Variants in PTGIR observed in about 807,000 individuals in gnomAD.
PTGIR encodes the protein prostaglandin I2 receptor.
PTGIR carries 16 observed loss-of-function variants against 17.6 expected under a neutral mutation model. The observed-to-expected ratio is 0.91, with a 90% CI of 0.61 to 1.38. PTGIR has a LOEUF of 1.38. Ranked by LOEUF, PTGIR falls within the 40% of genes most tolerant of loss-of-function variation. The pLI is 0.00. For synonymous variants in PTGIR, 274 were observed against 255.4 expected (o/e 1.07, Z -0.69); for missense variants, 532 against 548.6 (o/e 0.97, Z 0.30).
chr19:46,623,326 A>T, intron 2 of PTGIR, 132 bp downstream of exon 2: 1 of 1,115,966 alleles, frequency 9.0e-7, no homozygotes, highest in Non-Finnish European at 1.2e-6. Flanking sequence ...TGCTGGGATT[A>T]CAGGCGTGAG....
chr19:46,622,057 C>T (rs1027258657), intron 2 of PTGIR: 1 of 985,360 alleles, frequency 1.0e-6, no homozygotes, highest in African/African-American at 1.7e-5. Flanking sequence ...ATCTGAGTCT[C>T]TGAGTCAGAG....
chr19:46,619,867 G>T (rs1207338769), downstream of PTGIR, among the ~76,000 whole-genome samples: 1 of 152,090 alleles, frequency 6.6e-6, no homozygotes, highest in Non-Finnish European at 1.5e-5. Flanking sequence ...AGTGGGGCTG[G>T]GTGGGGGGAG....
Position 46,625,036 on chromosome 19 carries a change from G to C in PTGIR, c.-52C>G, listed in dbSNP as rs2052787720. ...CCAGGCTCTCCTGTCCCGTGCGTCT[G>C]TGCCTTCACTTGCTTTGCTCCTCGT... On this transcript the variant is annotated 5_prime_UTR_variant, in exon 1 of 3. Coordinates refer to ENST00000291294, the MANE Select transcript of PTGIR (RefSeq NM_000960.4). This position sits in a 1 kb window ranked among gnomAD's most constrained non-coding sequence, Gnocchi z 4.9. The C allele has an allele frequency of 1.3e-5, 2 of 153,940 alleles. No individual in the cohort carries two copies. The highest frequency in any genetic ancestry group is 1.3e-4 in the Admixed American group (2 of 15,270). 9.5% of individuals were successfully genotyped at this position (153,940 alleles called of 1,614,324 possible). A position where few individuals can be genotyped will look rare whatever the true frequency, so the allele number is the denominator to read the frequency against.
chr19:46,623,163 T>C (rs2122342538), intron 2 of PTGIR: 1 of 231,494 alleles, frequency 4.3e-6, no homozygotes, highest in East Asian at 9.2e-5. Context: ...TATTTATTTA[T>C]TTGTTGTATT....
In PTGIR at chr19:46,623,798, A is replaced by G. The variant is rs550279822; in HGVS notation, c.428T>C (p.Ile143Thr). The stretch of plus-strand genomic sequence containing the variant: ...GCAGAAGAGGACGCAGAAGGCGTAG[A>G]TGGCTGGCAGCGCCAGGCGGGCGCA... ...PRCARLALPA[I>T]YAFCVLFCAL... Residue 143 changes from isoleucine (I) to threonine (T), a missense_variant, in exon 2 of 3, where the codon ATC (isoleucine) becomes ACC (threonine). Ile to Thr is a moderately conservative substitution (Grantham distance 89). Coordinates refer to ENST00000291294, the MANE Select transcript of PTGIR (RefSeq NM_000960.4). 6.2e-7 allele frequency: 1 copy of G among 1,608,810 alleles called. No individual in the cohort carries two copies. Among genetic ancestry groups the G allele is most frequent in the South Asian group, 1.1e-5 (1 of 90,750 alleles).
chr19:46,611,063 A>G, the PTGIR span, among the ~76,000 whole-genome samples: 1 of 152,218 alleles, frequency 6.6e-6, no homozygotes, highest in African/African-American at 2.4e-5. Flanking sequence ...AGGCAGGCCC[A>G]TCATGCCATG....
Position 46,621,185 on chromosome 19 carries a change from A to G in PTGIR, c.*95T>C. 1 of 1,426,906 alleles carries G rather than the reference A, an allele frequency of 7.0e-7. No individual in the cohort carries two copies. The highest frequency in any genetic ancestry group is 1.9e-5 in the South Asian group (1 of 52,484). The allele number at this position is 1,426,906 out of a possible 1,614,324, so 88.4% of individuals were successfully genotyped here. On this transcript the variant is annotated 3_prime_UTR_variant, in exon 3 of 3. Transcript: ENST00000291294. The surrounding 1 kb of genome is among the most constrained non-coding windows in gnomAD (Gnocchi z 4.8). Reference sequence around the variant, plus strand: ...TGATCGGCCCCAGAGTTTGGGGGCCAAGGTTCCAGCATCCGCAGCCATCAG... The same window carrying G: ...TGATCGGCCCCAGAGTTTGGGGGCCGAGGTTCCAGCATCCGCAGCCATCAG...
chr19:46,622,580 TGG>T (rs1260085336), intron 2 of PTGIR: 1 of 168,622 alleles, frequency 5.9e-6, no homozygotes, highest in Admixed American at 6.6e-5. Context: ...CATTTCATCA[TGG>T]GGGGCTCAGG....
chr19:46,617,908 G>A (rs117440437), downstream of PTGIR, among the ~76,000 whole-genome samples: 6,300 of 149,740 alleles, frequency 0.042, 320 homozygotes, highest in East Asian at 0.26. Context: ...TAAACATCTC[G>A]GCTCACTGCA....
At position 46,620,776 on chromosome 19, in the gene PTGIR, G is replaced by A. The variant is rs200747689; in HGVS notation, c.*504C>T. 9.6e-5 allele frequency: 95 copies of A among 985,990 alleles called. No homozygotes were observed. Among genetic ancestry groups the A allele is most frequent in the Non-Finnish European group, 1.1e-4 (88 of 830,120 alleles). The allele number at this position is 985,990 out of a possible 1,614,324, so 61.1% of individuals were successfully genotyped here. Reference sequence around the variant, plus strand: ...CTCCCAAGCCTGGTGGGGGACCAGCGGCAAGGGAAGGCAGGGAGCTTTTCC... The same window carrying A: ...CTCCCAAGCCTGGTGGGGGACCAGCAGCAAGGGAAGGCAGGGAGCTTTTCC... On this transcript the variant is annotated 3_prime_UTR_variant, in exon 3 of 3. Transcript: ENST00000291294.
chr19:46,611,164 G>T, the PTGIR span, among the ~76,000 whole-genome samples: 1 of 150,594 alleles, frequency 6.6e-6, no homozygotes, highest in Non-Finnish European at 1.5e-5. Flanking sequence ...CCGGGTAGGG[G>T]AAGGACGGAA....
At chr19:46,617,777 C>G (rs1329728413), downstream of PTGIR, among the ~76,000 whole-genome samples, 1 of 151,410 alleles carries the variant, frequency 6.6e-6, no homozygotes, top group Non-Finnish European at 1.5e-5. Context: ...TTTGGCCAGG[C>G]GTGGTGACAA....
chr19:46,615,353 A>G, the PTGIR span, among the ~76,000 whole-genome samples: 1,534 of 152,336 alleles, frequency 0.01, 47 homozygotes, highest in East Asian at 0.094. Flanking sequence ...ACCGTTGTAT[A>G]TAAGGAACTT....
intron 2 of PTGIR, chr19:46,622,111 C>T (rs1203586728): frequency 3.0e-6 from 3 of 985,346 alleles, no homozygotes; most frequent in Admixed American, 6.1e-5. Flanking sequence ...CCGGCCTGGC[C>T]TCTTGCATTT....
rs770454643 is a variant in PTGIR at position 46,624,077 on chromosome 19, G to C, written c.149C>G (p.Ala50Gly). ...GGCCGCCAGTCCGGTCACCAGCACC[G>C]CGAAGGCCGAGGGGCGCGCCGGTCG... ...ARRPARPSAFAVLVTGLAATD... is the reference protein window; with the variant it reads ...ARRPARPSAFGVLVTGLAATD... The change falls in exon 2 of 3, where the codon GCG becomes GGG. Residue 50 changes from alanine to glycine, a missense_variant. By Grantham distance (60) the Ala-to-Gly change is moderately conservative. Coordinates refer to ENST00000291294, the MANE Select transcript of PTGIR (RefSeq NM_000960.4). The C allele has an allele frequency of 6.5e-7, 1 of 1,541,900 alleles. No homozygotes were observed. The highest frequency in any genetic ancestry group is 8.7e-7 in the Non-Finnish European group (1 of 1,148,206).
downstream of PTGIR, among the ~76,000 whole-genome samples, chr19:46,619,308 C>T (rs1340142462): frequency 5.3e-5 from 8 of 151,726 alleles, no homozygotes; most frequent in African/African-American, 7.3e-5. Flanking sequence ...GCCTGGCCAA[C>T]GTGACGAAAC....
chr19:46,619,726 C>G (rs964898348), downstream of PTGIR, among the ~76,000 whole-genome samples: 1 of 152,174 alleles, frequency 6.6e-6, no homozygotes, highest in Non-Finnish European at 1.5e-5. Flanking sequence ...GCGCTGCCTA[C>G]CCCTCGAAGA....
At chr19:46,623,422 C>T (rs2052754019) in intron 2 of PTGIR, 36 bp downstream of exon 2, 4 of 1,487,912 alleles carry the variant, frequency 2.7e-6, no homozygotes, top group Non-Finnish European at 3.6e-6. Flanking sequence ...TGCCCTCCTC[C>T]TCTCCCCACT....
downstream of PTGIR, among the ~76,000 whole-genome samples, chr19:46,617,445 G>A (rs1031751436): frequency 1.3e-5 from 2 of 152,112 alleles, no homozygotes; most frequent in Non-Finnish European, 2.9e-5. Context: ...TGAGGGGAGG[G>A]GTCTGCAGCA....
Sources: allele counts gnomAD v4.1 joint callset (sites outside exome capture counted in the v4.1 genomes callset), GRCh38; gene constraint gnomAD v4.1.1; non-coding constraint Gnocchi (gnomAD v3.1); transcripts MANE v1.5; gene names NCBI Gene and HGNC (gene_info 2026-07-23, HGNC 2026-07-21).